The following NECTIN3 variants were observed in gnomAD, a reference collection of about 807,000 sequenced individuals.
NECTIN3 encodes the protein nectin cell adhesion molecule 3.
Under a neutral mutation model 49.4 loss-of-function variants are expected in NECTIN3, and 8 were observed. That is an observed-to-expected ratio of 0.16 (90% confidence interval 0.10 to 0.29). NECTIN3 has a LOEUF of 0.29. Among genes scored for constraint, NECTIN3 ranks in the 10% least tolerant of loss-of-function variants. The pLI is 1.00. For synonymous variants in NECTIN3, 277 were observed against 241.1 expected, an observed-to-expected ratio of 1.15 and a Z score of -1.38; for missense variants, 581 against 654.6, an observed-to-expected ratio of 0.89 and a Z score of 1.23.
chr3:111,176,232 A>T (rs1360948491), intron 7 of NECTIN3, among the ~76,000 whole-genome samples: 1 of 152,242 alleles, frequency 6.6e-6, no homozygotes, highest in East Asian at 1.9e-4. Flanking sequence ...GTGACACTGT[A>T]GGGTGCATTG....
chr3:111,076,935 C>T (rs2031242215), intron 1 of NECTIN3, among the ~76,000 whole-genome samples: 1 of 147,310 alleles, frequency 6.8e-6, no homozygotes. Context: ...GTGACTGCAC[C>T]ATTGTACTCC....
chr3:111,126,072 A>G lies in NECTIN3; in HGVS notation c.918-112A>G, dbSNP rs1369448359. ...ATACTTTCAGTGAATTTTGTCTGAG[A>G]TGCTTTTTTATTTTGACTAACATCT... On this transcript the variant is annotated intron_variant, in intron 4 of 5. Transcript: ENST00000485303. The G allele has an allele frequency of 6.8e-6, 5 of 737,018 alleles. No homozygotes were observed. The African/African-American group carries it at 7.5e-5, about 11-fold the overall frequency. The allele number at this position is 737,018 out of a possible 1,614,324, so 45.7% of individuals were successfully genotyped here.
intron 1 of NECTIN3, among the ~76,000 whole-genome samples, chr3:111,080,477 A>G (rs2031522625): frequency 6.6e-6 from 1 of 152,138 alleles, no homozygotes; most frequent in African/African-American, 2.4e-5. Context: ...AGAAAAATAC[A>G]TGTTTTTCTT....
At chr3:111,137,772 T>TTC (rs1317684185), downstream of NECTIN3, among the ~76,000 whole-genome samples, 4 of 148,398 alleles carry the variant, frequency 2.7e-5, no homozygotes, top group African/African-American at 2.4e-5. Context: ...TTTTTTCCTT[T>TTC]TTTTTTTTTT....
Position 111,134,153 on chromosome 3 carries a change from G to C in NECTIN3, c.1588G>C (p.Glu530Gln). The change falls in exon 6 of 6, where the codon GAA becomes CAA. Residue 530 changes from glutamate to glutamine, a missense_variant. Physicochemically the swap from Glu to Gln is conservative, Grantham distance 29. Coordinates refer to ENST00000485303, the MANE Select transcript of NECTIN3 (RefSeq NM_015480.3). ...FVSDEHYDEN[E>Q]DDLVSHVDGS... ...CAGTGATGAACATTATGATGAAAAC[G>C]AAGATGACTTAGTTTCACATGTAGA... The C allele has an allele frequency of 6.2e-7, 1 of 1,611,818 alleles. No individual in the cohort carries two copies. Among genetic ancestry groups the C allele is most frequent in the Non-Finnish European group, 8.5e-7 (1 of 1,178,802 alleles).
At chr3:111,123,189 T>C (rs1313485200) in intron 4 of NECTIN3, among the ~76,000 whole-genome samples, 1 of 152,100 alleles carries the variant, frequency 6.6e-6, no homozygotes, top group Non-Finnish European at 1.5e-5. Flanking sequence ...AATAAAAATA[T>C]GTTATTTTCA....
rs946145441 is a variant in NECTIN3 at position 111,071,822 on chromosome 3, G to T, written c.-196G>T. On this transcript the variant is annotated 5_prime_UTR_variant, in exon 1 of 6. Transcript: ENST00000485303. ...GGCGGGCGGCTCCCGCTTCAGCCTC[G>T]GCAGTGGCGTCGGCGACGGCGGTGT... 4 of 367,894 alleles carry T rather than the reference G, an allele frequency of 1.1e-5. No homozygotes were observed. The highest frequency in any genetic ancestry group is 1.9e-5 in the Non-Finnish European group (4 of 209,508). The allele number at this position is 367,894 out of a possible 1,614,324, so 22.8% of individuals were successfully genotyped here.
intron 5 of NECTIN3, among the ~76,000 whole-genome samples, chr3:111,132,723 T>C (rs555631950): frequency 3.3e-5 from 5 of 152,098 alleles, no homozygotes; most frequent in Admixed American, 2.6e-4. Context: ...TTAAGTATTA[T>C]TAGAATGTTC....
chr3:111,180,052 A>G (rs536106699), intron 7 of NECTIN3, among the ~76,000 whole-genome samples: 86 of 152,348 alleles, frequency 5.6e-4, no homozygotes, highest in African/African-American at 2.0e-3. Context: ...AAGTTGATTA[A>G]TAATACAGCA....
chr3:111,080,124 ACTAT>A (rs1190275640), intron 1 of NECTIN3, among the ~76,000 whole-genome samples: 1 of 152,124 alleles, frequency 6.6e-6, no homozygotes, highest in African/African-American at 2.4e-5. Flanking sequence ...AGGAAATAAG[ACTAT>A]CTAGATTATT....
At chr3:111,192,661 A>C (rs1456432582) in intron 1 of NECTIN3, among the ~76,000 whole-genome samples, 2 of 152,130 alleles carry the variant, frequency 1.3e-5, no homozygotes, top group African/African-American at 2.4e-5. Context: ...TATAGGTGCT[A>C]GCTGTGGCAA....
intron 7 of NECTIN3, among the ~76,000 whole-genome samples, chr3:111,166,627 AT>A: frequency 6.6e-6 from 1 of 152,334 alleles, no homozygotes; most frequent in South Asian, 2.1e-4. Flanking sequence ...TCTGGGATCA[AT>A]CTAGATTAAG....
intron 1 of NECTIN3, among the ~76,000 whole-genome samples, chr3:111,104,282 T>C (rs1038973817): frequency 6.6e-6 from 1 of 151,990 alleles, no homozygotes; most frequent in Non-Finnish European, 1.5e-5. Flanking sequence ...CATGTGCTTG[T>C]TAATGTATCT....
At chr3:111,117,053 A>G (rs914376116) in intron 2 of NECTIN3, among the ~76,000 whole-genome samples, 14 of 152,144 alleles carry the variant, frequency 9.2e-5, no homozygotes, top group African/African-American at 3.4e-4. Context: ...ATGAAACAGG[A>G]ACTCCATTGT....
intron 7 of NECTIN3, among the ~76,000 whole-genome samples, chr3:111,185,099 A>G (rs77329681): frequency 0.027 from 4,074 of 152,290 alleles, 125 homozygotes; most frequent in African/African-American, 0.078. Context: ...CCAGCCTAGT[A>G]TGCTGCCCAG....
At chr3:111,142,399 A>C (rs1303958970), downstream of NECTIN3, among the ~76,000 whole-genome samples, 2 of 151,878 alleles carry the variant, frequency 1.3e-5, no homozygotes, top group Admixed American at 6.6e-5. Context: ...CATATGATAA[A>C]GAATGACTGG....
intron 1 of NECTIN3, among the ~76,000 whole-genome samples, chr3:111,089,406 CGTGTGT>C (rs139575444): frequency 6.1e-5 from 9 of 146,988 alleles, no homozygotes; most frequent in South Asian, 2.2e-4. Flanking sequence ...CAGCCTTTCT[CGTGTGT>C]GTGTGTGTGT....
At chr3:111,085,251 A>G (rs958333459) in intron 1 of NECTIN3, among the ~76,000 whole-genome samples, 5 of 152,210 alleles carry the variant, frequency 3.3e-5, no homozygotes, top group Non-Finnish European at 7.3e-5. Context: ...GAGGGCTTCA[A>G]CACACAATTC....
intron 1 of NECTIN3, among the ~76,000 whole-genome samples, chr3:111,194,054 A>G (rs2035863179): frequency 6.6e-6 from 1 of 152,086 alleles, no homozygotes; most frequent in African/African-American, 2.4e-5. Context: ...CCTACTTTTG[A>G]CTAGCTGTAT....
Sources: allele counts gnomAD v4.1 joint callset (sites outside exome capture counted in the v4.1 genomes callset), GRCh38; gene constraint gnomAD v4.1.1; transcripts MANE v1.5; gene names NCBI Gene and HGNC (gene_info 2026-07-23, HGNC 2026-07-21).